DCAF8L2: variants seen among roughly 807,000 people sequenced by gnomAD.
DCAF8L2 encodes the protein DDB1 and CUL4 associated factor 8 like 2, also known as DDB1- and CUL4-associated factor 8-like protein 2.
For missense variants in DCAF8L2, 430 were observed against 490.7 expected (o/e 0.88, Z 1.17); for synonymous variants, 200 against 190.9 (o/e 1.05, Z -0.39).
chrX:27,533,164 GAGAAAGAA>G, the DCAF8L2 span, among the ~76,000 whole-genome samples: 819 of 17,203 alleles, frequency 0.048, 28 homozygotes, highest in Non-Finnish European at 0.058. Flanking sequence ...GAGAGAGAGA[GAGAAAGAA>G]AGAAAGAAAG....
the DCAF8L2 span, among the ~76,000 whole-genome samples, chrX:27,562,192 C>A: frequency 8.9e-6 from 1 of 112,281 alleles, no homozygotes; most frequent in Non-Finnish European, 1.9e-5. Context: ...CTCCACTATC[C>A]TTTTATCTAA....
chrX:27,671,920 C>A (rs1404981951), intron 2 of DCAF8L2, among the ~76,000 whole-genome samples: 1 of 111,704 alleles, frequency 9.0e-6, no homozygotes, highest in Non-Finnish European at 1.9e-5. Context: ...ATTTTTAAAA[C>A]AGTGAACCCA....
intron 4 of DCAF8L2, among the ~76,000 whole-genome samples, chrX:27,736,887 C>A (rs1212476032): frequency 1.8e-5 from 2 of 110,612 alleles, no homozygotes; most frequent in Non-Finnish European, 3.8e-5. Context: ...GTCGAATTTT[C>A]CAGACACTGC....
chrX:27,747,269 GGGAGGA>G lies in DCAF8L2; in HGVS notation c.381_386del (p.Glu146_Glu147del). ...GACGAAGAGATACAAGAGGAGGGAG[GGGAGGA>G]GGAGGAAGAGGAGGAGGAGGAGGAG... On this transcript the variant is annotated inframe_deletion, in exon 5 of 5. Coordinates refer to ENST00000451261, the MANE Select transcript of DCAF8L2 (RefSeq NM_001353450.2). 4 of 1,101,616 alleles carry G rather than the reference GGGAGGA, an allele frequency of 3.6e-6. No homozygotes were observed. The highest frequency in any genetic ancestry group is 4.8e-6 in the Non-Finnish European group (4 of 833,610). The allele number at this position is 1,101,616 out of a possible 1,213,427, so 90.8% of individuals were successfully genotyped here.
At chrX:27,648,185 TAGATATTGA>T (rs1422788605) in intron 2 of DCAF8L2, among the ~76,000 whole-genome samples, 3 of 110,848 alleles carry the variant, frequency 2.7e-5, no homozygotes, top group Admixed American at 9.8e-5. Context: ...CCAAGAAACT[TAGATATTGA>T]AATTAGCAGA....
At chrX:27,615,407 G>C (rs987848353) in intron 1 of DCAF8L2, among the ~76,000 whole-genome samples, 13 of 111,188 alleles carry the variant, frequency 1.2e-4, no homozygotes, top group Non-Finnish European at 1.9e-4. Context: ...AAATACTAAA[G>C]AAGAAATGAC....
At chrX:27,518,067 T>A in the DCAF8L2 span, 1 of 916,518 alleles carries the variant, frequency 1.1e-6, no homozygotes. Flanking sequence ...AGTTTAGAGC[T>A]AAATTCTTTC....
chrX:27,586,959 CTTAATGACCTGTGTTTCAAGA>C (rs2147102618), upstream of DCAF8L2, among the ~76,000 whole-genome samples: 1 of 110,965 alleles, frequency 9.0e-6, no homozygotes, highest in South Asian at 3.8e-4. Flanking sequence ...TTTCCATGTT[CTTAATGACCTGTGTTTCAAGA>C]TTTTTTTTTA....
At chrX:27,624,533 A>G (rs1431414473) in intron 1 of DCAF8L2, among the ~76,000 whole-genome samples, 1 of 111,697 alleles carries the variant, frequency 9.0e-6, no homozygotes, top group Non-Finnish European at 1.9e-5. Flanking sequence ...ATGGAATCAA[A>G]AAAGAGCCTT....
the DCAF8L2 span, among the ~76,000 whole-genome samples, chrX:27,548,712 C>T: frequency 8.9e-6 from 1 of 111,837 alleles, no homozygotes; most frequent in Non-Finnish European, 1.9e-5. Flanking sequence ...ATTGATTATA[C>T]TCTAAGGGGG....
chrX:27,507,005 T>G, the DCAF8L2 span, among the ~76,000 whole-genome samples: 2 of 111,507 alleles, frequency 1.8e-5, no homozygotes, highest in Non-Finnish European at 1.9e-5. Context: ...TACAATCTTT[T>G]TTAAACATCT....
Position 27,747,448 on chromosome X carries a change from C to T in DCAF8L2, c.553C>T (p.Pro185Ser), listed in dbSNP as rs763402322. The change falls in exon 5 of 5, where the codon CCT becomes TCT. Residue 185 changes from proline to serine, a missense_variant. Transcript: ENST00000451261. ...VSSETSALPR[P>S]RWQVVTALHQ... ...CTCAGAGACATCTGCCCTGCCCCGA[C>T]CTCGCTGGCAGGTCGTTACTGCTCT... The T allele has an allele frequency of 8.5e-6, 10 of 1,173,062 alleles. No individual in the cohort carries two copies. The highest frequency in any genetic ancestry group is 6.4e-5 in the East Asian group (2 of 31,280).
At chrX:27,573,668 A>G in the DCAF8L2 span, among the ~76,000 whole-genome samples, 5 of 111,375 alleles carry the variant, frequency 4.5e-5, no homozygotes, top group East Asian at 1.4e-3. Context: ...AAAATACAGC[A>G]TGTAGGAGAT....
At chrX:27,593,944 T>G (rs1926232874) in intron 1 of DCAF8L2, among the ~76,000 whole-genome samples, 1 of 112,382 alleles carries the variant, frequency 8.9e-6, no homozygotes, top group Non-Finnish European at 1.9e-5. Flanking sequence ...TGAAAGCCTG[T>G]TATTTGTTGG....
At chrX:27,698,126 T>C (rs1186657506) in intron 3 of DCAF8L2, among the ~76,000 whole-genome samples, 1 of 112,072 alleles carries the variant, frequency 8.9e-6, no homozygotes, top group Admixed American at 9.5e-5. Flanking sequence ...TCATAATGAT[T>C]TAAATTCAAG....
At chrX:27,471,819 G>C in the DCAF8L2 span, among the ~76,000 whole-genome samples, 57 of 111,385 alleles carry the variant, frequency 5.1e-4, no homozygotes, top group Non-Finnish European at 9.0e-4. Context: ...GCATTATCTA[G>C]AAGACAATAG....
intron 2 of DCAF8L2, among the ~76,000 whole-genome samples, chrX:27,654,750 GATATA>G (rs200696315): frequency 0.017 from 1,849 of 111,472 alleles, 22 homozygotes; most frequent in Non-Finnish European, 0.022. Flanking sequence ...TCTCTATCAA[GATATA>G]ATATGTTAAC....
intron 1 of DCAF8L2, among the ~76,000 whole-genome samples, chrX:27,619,652 C>CAT (rs1352859128): frequency 9.0e-6 from 1 of 111,651 alleles, no homozygotes; most frequent in East Asian, 2.8e-4. Flanking sequence ...GTCAGCTGAT[C>CAT]ACTACATGTT....
intron 3 of DCAF8L2, among the ~76,000 whole-genome samples, chrX:27,683,828 G>A (rs1382321028): frequency 8.9e-6 from 1 of 111,938 alleles, no homozygotes; most frequent in African/African-American, 3.2e-5. Flanking sequence ...GGAGGATCGT[G>A]CTGAAGCTAT....
Sources: gnomAD v4.1 joint callset for allele counts (sites outside exome capture counted in the v4.1 genomes callset) on GRCh38, gnomAD v4.1.1 for gene constraint, MANE v1.5 for transcripts, NCBI Gene and HGNC (gene_info 2026-07-23, HGNC 2026-07-21) for gene names.